Variants in PPM1L observed in about 807,000 individuals in gnomAD.
PPM1L encodes the protein protein phosphatase 1L.
A neutral mutation model predicts 31.4 loss-of-function variants in PPM1L; 13 were observed. That is an observed-to-expected ratio of 0.41 (90% CI 0.27 to 0.66). The LOEUF is 0.66. Ranked by LOEUF, PPM1L falls within the 30% of genes least tolerant of loss-of-function variation. The pLI is 0.29. For missense variants in PPM1L, 326 were observed against 453.7 expected, an observed-to-expected ratio of 0.72 and a Z score of 2.56; for synonymous variants, 184 against 175.4, an observed-to-expected ratio of 1.05 and a Z score of -0.39.
At chr3:160,983,724 T>C (rs1716876023) in intron 2 of PPM1L, among the ~76,000 whole-genome samples, 1 of 152,186 alleles carries the variant, frequency 6.6e-6, no homozygotes, top group Admixed American at 6.5e-5. Context: ...TGATAATTCT[T>C]CGTGGGTTCT....
Position 160,756,362 on chromosome 3 carries a change from C to T in PPM1L, c.54C>T (p.Tyr18=). Residue 18 remains tyrosine (Y), a synonymous_variant, in exon 1 of 4, where the codon TAC becomes TAT. Coordinates refer to ENST00000498165, the MANE Select transcript of PPM1L (RefSeq NM_139245.4). This position sits in a 1 kb window ranked among gnomAD's most constrained non-coding sequence, Gnocchi z 6.2. ...LLSLLGRIMR[Y]FLLRPETLFL... Reference sequence around the variant, plus strand: ...CTCTGCTGGGTCGCATCATGCGCTACTTCTTGCTGAGACCCGAGACGCTTT... The same window carrying T: ...CTCTGCTGGGTCGCATCATGCGCTATTTCTTGCTGAGACCCGAGACGCTTT... 1 of 1,614,206 alleles carries T rather than the reference C, an allele frequency of 6.2e-7. No homozygotes were observed. Among genetic ancestry groups the T allele is most frequent in the Non-Finnish European group, 8.5e-7 (1 of 1,180,026 alleles).
Position 160,885,083 on chromosome 3 carries a change from ATG to A in PPM1L, c.400-76651_400-76650del, listed in dbSNP as rs761792338. Among the ~76,000 whole-genome samples the A allele has an allele frequency of 8.3e-4, 127 of 152,254 alleles. 1 individual carries two copies. The highest frequency in any genetic ancestry group is 2.6e-3 in the Admixed American group (40 of 15,306). Reference sequence around the variant, plus strand: ...CCTTCAAGCATATTAGACTCTTGGCATGTAGGGGAGGGATAGGTACTCAGTAG... The same window carrying A: ...CCTTCAAGCATATTAGACTCTTGGCATAGGGGAGGGATAGGTACTCAGTAG... On this transcript the variant is annotated intron_variant, in intron 1 of 3. Transcript: ENST00000498165.
At chr3:160,845,912 C>T (rs1345708765) in intron 1 of PPM1L, among the ~76,000 whole-genome samples, 1 of 151,896 alleles carries the variant, frequency 6.6e-6, no homozygotes, top group Non-Finnish European at 1.5e-5. Context: ...GGATCTTCCA[C>T]TTTATTTAGA....
chr3:160,933,750 CT>C (rs1714865795), intron 1 of PPM1L, among the ~76,000 whole-genome samples: 2 of 151,852 alleles, frequency 1.3e-5, no homozygotes, highest in South Asian at 4.2e-4. Context: ...GGGGTATAAC[CT>C]TTCTTCCTGT....
intron 2 of PPM1L, among the ~76,000 whole-genome samples, chr3:160,978,097 A>T (rs1052690896): frequency 6.6e-6 from 1 of 152,190 alleles, no homozygotes; most frequent in African/African-American, 2.4e-5. Context: ...TACTATGAGG[A>T]CACTTATGGA....
At chr3:160,763,312 T>C (rs2108056090) in intron 1 of PPM1L, among the ~76,000 whole-genome samples, 1 of 152,320 alleles carries the variant, frequency 6.6e-6, no homozygotes, top group African/African-American at 2.4e-5. Flanking sequence ...ATTTGTATCA[T>C]GCCTCCATGG....
At chr3:160,794,933 G>C (rs2108074845) in intron 1 of PPM1L, among the ~76,000 whole-genome samples, 1 of 152,242 alleles carries the variant, frequency 6.6e-6, no homozygotes, top group East Asian at 1.9e-4. Flanking sequence ...GGGGGTAATG[G>C]TGAAATGATC....
chr3:161,033,628 T>G (rs1241055798), intron 2 of PPM1L, among the ~76,000 whole-genome samples: 1 of 152,222 alleles, frequency 6.6e-6, no homozygotes, highest in Non-Finnish European at 1.5e-5. Context: ...TTGGGATAAC[T>G]GGCTAGCTAT....
chr3:160,985,836 T>G (rs1011519546), intron 2 of PPM1L, among the ~76,000 whole-genome samples: 1 of 152,128 alleles, frequency 6.6e-6, no homozygotes, highest in Non-Finnish European at 1.5e-5. Context: ...CCATTTCCTC[T>G]CACCAAAAAT....
chr3:160,989,334 C>G (rs79225191), intron 2 of PPM1L, among the ~76,000 whole-genome samples: 7,131 of 152,092 alleles, frequency 0.047, 291 homozygotes, highest in Non-Finnish European at 0.066. Flanking sequence ...TAACTCTAAC[C>G]CTTACAGAAC....
chr3:160,873,635 T>C (rs1839014), intron 1 of PPM1L, among the ~76,000 whole-genome samples: 124,417 of 151,890 alleles, frequency 0.82, 51,154 homozygotes, highest in Middle Eastern at 0.87. Context: ...CCAACCTCTG[T>C]CCCCCGGGTT....
chr3:160,979,303 AG>A (rs1716718293), intron 2 of PPM1L, among the ~76,000 whole-genome samples: 1 of 151,992 alleles, frequency 6.6e-6, no homozygotes, highest in Non-Finnish European at 1.5e-5. Context: ...CTGACAGCTC[AG>A]GGCACAAGGT....
At chr3:160,970,390 T>G (rs1222327253) in intron 2 of PPM1L, among the ~76,000 whole-genome samples, 1 of 151,892 alleles carries the variant, frequency 6.6e-6, no homozygotes, top group African/African-American at 2.4e-5. Flanking sequence ...TAATATTAAA[T>G]TTGTTTTTGA....
At chr3:160,911,041 A>G (rs1037496090) in intron 1 of PPM1L, among the ~76,000 whole-genome samples, 3 of 152,200 alleles carry the variant, frequency 2.0e-5, no homozygotes, top group Non-Finnish European at 4.4e-5. Flanking sequence ...GCATCCAGTC[A>G]CCTGTAATGA....
intron 1 of PPM1L, among the ~76,000 whole-genome samples, chr3:160,774,671 T>A (rs1371637301): frequency 3.3e-5 from 5 of 152,212 alleles, no homozygotes; most frequent in Admixed American, 6.5e-5. Context: ...ACCTGATGGA[T>A]ACACATGCTT....
intron 2 of PPM1L, among the ~76,000 whole-genome samples, chr3:160,980,024 C>T (rs778763008): frequency 6.6e-6 from 1 of 151,978 alleles, no homozygotes; most frequent in African/African-American, 2.4e-5. Flanking sequence ...AGCCTTTCTA[C>T]CCTGGGCCAG....
chr3:160,803,629 T>G (rs898734928), intron 1 of PPM1L, among the ~76,000 whole-genome samples: 2 of 152,124 alleles, frequency 1.3e-5, no homozygotes, highest in African/African-American at 2.4e-5. Flanking sequence ...CTAATATATG[T>G]AGACATGCCT....
chr3:160,786,951 T>G (rs1018444469), intron 1 of PPM1L, among the ~76,000 whole-genome samples: 5 of 152,202 alleles, frequency 3.3e-5, no homozygotes, highest in African/African-American at 1.2e-4. Flanking sequence ...TTTTTATGAC[T>G]GTATAGTAGT....
At chr3:160,977,838 G>A (rs1317130383) in intron 2 of PPM1L, among the ~76,000 whole-genome samples, 1 of 152,096 alleles carries the variant, frequency 6.6e-6, no homozygotes, top group Non-Finnish European at 1.5e-5. Flanking sequence ...GACTTATAAA[G>A]TTCTCACTGT....
Sources: gnomAD v4.1 joint callset for allele counts (sites outside exome capture counted in the v4.1 genomes callset) on GRCh38, gnomAD v4.1.1 for gene constraint, Gnocchi (gnomAD v3.1) non-coding constraint, MANE v1.5 for transcripts, NCBI Gene and HGNC (gene_info 2026-07-23, HGNC 2026-07-21) for gene names.